The following TMEM108 variants were observed in gnomAD, a reference collection of about 807,000 sequenced individuals.
TMEM108 encodes transmembrane protein 108, also known as cancer/testis antigen 124.
Under a neutral mutation model 35.1 loss-of-function variants are expected in TMEM108, and 12 were observed. That is an observed-to-expected ratio of 0.34 (90% confidence interval 0.22 to 0.55). TMEM108 has a LOEUF of 0.55. Ranked by LOEUF, TMEM108 falls within the 20% of genes least tolerant of loss-of-function variation. The pLI is 0.89. For missense variants in TMEM108, 680 were observed against 753.3 expected, an observed-to-expected ratio of 0.90 and a Z score of 1.14; for synonymous variants, 287 against 308.6, an observed-to-expected ratio of 0.93 and a Z score of 0.73.
chr3:133,112,813 C>T (rs1944242094), intron 2 of TMEM108, among the ~76,000 whole-genome samples: 1 of 152,104 alleles, frequency 6.6e-6, no homozygotes, highest in Non-Finnish European at 1.5e-5. Context: ...AAGATATAGT[C>T]AGTTCTGCTA....
rs181654929 is a variant in TMEM108 at position 133,138,105 on chromosome 3, G to A, written c.-46-91161G>A. Reference sequence around the variant, plus strand: ...TTCATGGTTGTTTTCCCTGGGACTTGTAGATACCCAGCCAAAAGAGTAGAG... The same window carrying A: ...TTCATGGTTGTTTTCCCTGGGACTTATAGATACCCAGCCAAAAGAGTAGAG... On this transcript the variant is annotated intron_variant, in intron 2 of 5. Transcript: ENST00000321871. 2.4e-3 allele frequency among the ~76,000 whole-genome samples: 362 copies of A among 152,282 alleles called. 3 individuals are homozygous for A. The highest frequency in any genetic ancestry group is 3.4e-3 in the Middle Eastern group (1 of 294).
At chr3:133,183,300 T>A (rs147986815) in intron 2 of TMEM108, among the ~76,000 whole-genome samples, 1 of 152,218 alleles carries the variant, frequency 6.6e-6, no homozygotes, top group Admixed American at 6.5e-5. Context: ...ATTTCCCTCT[T>A]CCTCTTAAAG....
chr3:133,266,694 A>G (rs1946700920), intron 3 of TMEM108, among the ~76,000 whole-genome samples: 1 of 152,148 alleles, frequency 6.6e-6, no homozygotes, highest in Non-Finnish European at 1.5e-5. Flanking sequence ...GTGAGCAAGA[A>G]CCGGAAATTA....
chr3:133,098,962 T>A (rs993334933), intron 2 of TMEM108, among the ~76,000 whole-genome samples: 3 of 152,104 alleles, frequency 2.0e-5, no homozygotes, highest in African/African-American at 7.2e-5. Flanking sequence ...TTCTCACAGC[T>A]CCACTAGGTC....
intron 3 of TMEM108, among the ~76,000 whole-genome samples, chr3:133,272,272 C>CGTGTGTGT (rs3078833): frequency 0.082 from 11,260 of 137,680 alleles, 639 homozygotes; most frequent in East Asian, 0.29. Flanking sequence ...CATACACGTA[C>CGTGTGTGT]GTGTGTGTGT....
chr3:133,051,130 C>A (rs1403829895), intron 2 of TMEM108, among the ~76,000 whole-genome samples: 1 of 152,110 alleles, frequency 6.6e-6, no homozygotes. Flanking sequence ...TTCTCACCAG[C>A]AATGAATGAG....
chr3:133,152,666 A>T (rs1944819002), intron 2 of TMEM108, among the ~76,000 whole-genome samples: 1 of 152,128 alleles, frequency 6.6e-6, no homozygotes, highest in Non-Finnish European at 1.5e-5. Flanking sequence ...AGCCTGGAGA[A>T]CATGCAAACT....
At chr3:133,243,839 T>A (rs1946347947) in intron 3 of TMEM108, among the ~76,000 whole-genome samples, 1 of 152,130 alleles carries the variant, frequency 6.6e-6, no homozygotes. Context: ...TCTTTTTTAA[T>A]GAGTGTCGTA....
At chr3:133,338,032 A>G (rs891414334) in intron 3 of TMEM108, among the ~76,000 whole-genome samples, 6 of 152,154 alleles carry the variant, frequency 3.9e-5, no homozygotes, top group Non-Finnish European at 8.8e-5. Flanking sequence ...AAAGAACAAA[A>G]AACAATGAAG....
chr3:133,158,600 G>A (rs1944916503), intron 2 of TMEM108, among the ~76,000 whole-genome samples: 1 of 151,686 alleles, frequency 6.6e-6, no homozygotes, highest in African/African-American at 2.4e-5. Context: ...CAGAGTCAAA[G>A]AGAAACTGCC....
chr3:133,236,899 A>G (rs73217524), intron 3 of TMEM108, among the ~76,000 whole-genome samples: 1 of 152,092 alleles, frequency 6.6e-6, no homozygotes. Flanking sequence ...TGAAGTTCTC[A>G]TGTATTCCAT....
intron 2 of TMEM108, chr3:133,119,357 C>T (rs1944325030): frequency 6.6e-6 from 1 of 152,158 alleles, no homozygotes; most frequent in Non-Finnish European, 1.5e-5. Flanking sequence ...CAGAGCCTCT[C>T]ATGAGAACTT....
chr3:133,072,573 C>T (rs4854687), intron 2 of TMEM108, among the ~76,000 whole-genome samples: 59,918 of 151,888 alleles, frequency 0.39, 12,493 homozygotes, highest in Admixed American at 0.47. Context: ...GAATACCCCA[C>T]GGAAGTTATT....
At chr3:133,174,444 C>G (rs183637010) in intron 2 of TMEM108, among the ~76,000 whole-genome samples, 47 of 152,308 alleles carry the variant, frequency 3.1e-4, no homozygotes, top group African/African-American at 1.1e-3. Flanking sequence ...GGCAGACTGA[C>G]ACCTCACATG....
chr3:133,394,276 G>C (rs1211066730), intron 5 of TMEM108, among the ~76,000 whole-genome samples: 1 of 152,178 alleles, frequency 6.6e-6, no homozygotes, highest in East Asian at 1.9e-4. Flanking sequence ...CAAATGGTTT[G>C]CCTAAGCAAG....
At chr3:133,154,868 TAAA>T (rs554544969) in intron 2 of TMEM108, among the ~76,000 whole-genome samples, 10 of 143,874 alleles carry the variant, frequency 7.0e-5, no homozygotes, top group Admixed American at 2.7e-4. Context: ...TAATAATAAT[TAAA>T]AAAAATTATT....
Position 133,156,781 on chromosome 3 carries a change from C to T in TMEM108, c.-46-72485C>T, listed in dbSNP as rs78883555. On this transcript the variant is annotated intron_variant, in intron 2 of 5. Coordinates refer to ENST00000321871, the MANE Select transcript of TMEM108 (RefSeq NM_023943.4). ...GGTATGGCCATGTGTCTTACTCTGG[C>T]CAATGAAATGTGGGCCCAAGTGGAT... Among the ~76,000 whole-genome samples the T allele has an allele frequency of 6.6e-3, 997 of 152,132 alleles. 6 individuals are homozygous for T. The highest frequency in any genetic ancestry group is 0.044 in the Middle Eastern group (13 of 294).
At chr3:133,145,461 C>T (rs1004048394) in intron 2 of TMEM108, among the ~76,000 whole-genome samples, 4 of 151,996 alleles carry the variant, frequency 2.6e-5, no homozygotes, top group Admixed American at 6.5e-5. Context: ...TTTTTGGTTC[C>T]GTATGGAATT....
intron 2 of TMEM108, among the ~76,000 whole-genome samples, chr3:133,221,298 A>C (rs1243222583): frequency 2.3e-4 from 35 of 152,250 alleles, no homozygotes; most frequent in Admixed American, 2.2e-3. Flanking sequence ...CATTAGAAAA[A>C]AAGATGCTCC....
Sources: gnomAD v4.1 joint callset for allele counts (sites outside exome capture counted in the v4.1 genomes callset) on GRCh38, gnomAD v4.1.1 for gene constraint, MANE v1.5 for transcripts, NCBI Gene and HGNC (gene_info 2026-07-23, HGNC 2026-07-21) for gene names.